The following NPAS3 variants were observed in gnomAD, a reference collection of about 807,000 sequenced individuals.
The protein encoded by NPAS3 is neuronal PAS domain-containing protein 3.
Under a neutral mutation model 73.1 loss-of-function variants are expected in NPAS3, and 14 were observed. That is an observed-to-expected ratio of 0.19 (90% CI 0.13 to 0.30). NPAS3 has a LOEUF of 0.30. Ranked by LOEUF, NPAS3 falls within the 10% of genes least tolerant of loss-of-function variation. The pLI is 1.00. For missense variants in NPAS3, 1,096 were observed against 1,250.0 expected, an observed-to-expected ratio of 0.88 and a Z score of 1.86; for synonymous variants, 620 against 541.5, an observed-to-expected ratio of 1.14 and a Z score of -2.01.
chr14:33,246,530 T>A (rs1468494826), intron 3 of NPAS3, among the ~76,000 whole-genome samples: 3 of 100,386 alleles, frequency 3.0e-5, no homozygotes, highest in Non-Finnish European at 6.1e-5. Flanking sequence ...ACAGCGAGAC[T>A]TCATCTCAAA....
chr14:33,671,058 T>C (rs1266663010), intron 5 of NPAS3, among the ~76,000 whole-genome samples: 2 of 152,158 alleles, frequency 1.3e-5, no homozygotes, highest in Non-Finnish European at 2.9e-5. Context: ...GAAAGAAATA[T>C]CTTGAAAATA....
chr14:33,486,932 C>T (rs2051633301), intron 4 of NPAS3, among the ~76,000 whole-genome samples: 1 of 152,158 alleles, frequency 6.6e-6, no homozygotes, highest in African/African-American at 2.4e-5. Context: ...TATTGGGAGC[C>T]TTCATGCTTG....
intron 6 of NPAS3, among the ~76,000 whole-genome samples, chr14:33,710,574 C>T (rs1237488956): frequency 6.6e-6 from 1 of 152,212 alleles, no homozygotes; most frequent in Non-Finnish European, 1.5e-5. Flanking sequence ...GGCTCAGTCT[C>T]ATCAGGCGTG....
At chr14:33,088,615 C>T (rs2042115019) in intron 2 of NPAS3, among the ~76,000 whole-genome samples, 2 of 152,232 alleles carry the variant, frequency 1.3e-5, no homozygotes, top group South Asian at 2.1e-4. Context: ...CATAGCCAAA[C>T]AAAAGGCAGC....
chr14:33,281,338 AT>A (rs923598012), intron 3 of NPAS3, among the ~76,000 whole-genome samples: 1 of 151,922 alleles, frequency 6.6e-6, no homozygotes, highest in Non-Finnish European at 1.5e-5. Flanking sequence ...TATTTTAAAC[AT>A]TTTTTTTCAG....
chr14:33,453,450 G>A (rs1594937282), intron 4 of NPAS3, among the ~76,000 whole-genome samples: 1 of 152,186 alleles, frequency 6.6e-6, no homozygotes, highest in East Asian at 1.9e-4. Flanking sequence ...TGGGTTTTTT[G>A]TCCTTCCCAA....
intron 7 of NPAS3, among the ~76,000 whole-genome samples, chr14:33,744,479 T>C (rs565770585): frequency 1.3e-5 from 2 of 152,220 alleles, no homozygotes; most frequent in South Asian, 4.2e-4. Context: ...CAGATCACTA[T>C]AACAGGTATA....
intron 1 of NPAS3, among the ~76,000 whole-genome samples, chr14:33,026,531 TC>T (rs1485126031): frequency 6.7e-6 from 1 of 150,362 alleles, no homozygotes; most frequent in East Asian, 1.9e-4. Context: ...TAAGTGATTT[TC>T]CTTTTTTTTT....
intron 1 of NPAS3, among the ~76,000 whole-genome samples, chr14:32,944,759 T>C (rs2036183539): frequency 6.6e-6 from 1 of 152,248 alleles, no homozygotes; most frequent in South Asian, 2.1e-4. Context: ...ACTGCTACTG[T>C]ATCTGAAATG....
At chr14:33,535,249 T>C (rs1358492718) in intron 4 of NPAS3, among the ~76,000 whole-genome samples, 1 of 152,186 alleles carries the variant, frequency 6.6e-6, no homozygotes, top group Admixed American at 6.5e-5. Context: ...AATATCCCTT[T>C]TCACTATCAT....
chr14:33,193,808 G>T (rs1398209869), intron 2 of NPAS3, among the ~76,000 whole-genome samples: 1 of 152,170 alleles, frequency 6.6e-6, no homozygotes, highest in Non-Finnish European at 1.5e-5. Context: ...ATCTGGCTAT[G>T]GAGTGGATGC....
intron 7 of NPAS3, among the ~76,000 whole-genome samples, chr14:33,752,831 A>T (rs892295055): frequency 4.6e-5 from 7 of 151,874 alleles, no homozygotes; most frequent in Non-Finnish European, 7.4e-5. Context: ...TCTTTCTGAT[A>T]TTTTTTTTCA....
chr14:33,547,621 A>G (rs568397607), intron 4 of NPAS3, among the ~76,000 whole-genome samples: 96 of 151,928 alleles, frequency 6.3e-4, no homozygotes, highest in African/African-American at 2.1e-3. Context: ...CAAAATGCAA[A>G]CCAAAAGATG....
At chr14:33,093,958 G>A (rs570304067) in intron 2 of NPAS3, among the ~76,000 whole-genome samples, 4 of 151,976 alleles carry the variant, frequency 2.6e-5, no homozygotes, top group Non-Finnish European at 2.9e-5. Context: ...ATCACACACC[G>A]GGGCCTGTTG....
chr14:33,118,136 CCT>C (rs953670647), intron 2 of NPAS3, among the ~76,000 whole-genome samples: 77 of 151,570 alleles, frequency 5.1e-4, no homozygotes, highest in African/African-American at 1.8e-3. Flanking sequence ...GTCTTTTTTT[CCT>C]CTCTCTCAGT....
intron 5 of NPAS3, among the ~76,000 whole-genome samples, chr14:33,604,923 G>A (rs1189637259): frequency 4.6e-5 from 7 of 152,088 alleles, no homozygotes; most frequent in Middle Eastern, 3.4e-3. Context: ...AATGTAAAAC[G>A]TATCAGAATT....
intron 2 of NPAS3, among the ~76,000 whole-genome samples, chr14:33,072,787 G>A (rs2041530904): frequency 6.6e-6 from 1 of 152,090 alleles, no homozygotes; most frequent in Non-Finnish European, 1.5e-5. Flanking sequence ...TAGGCCTTTG[G>A]TTTCCTTGAA....
intron 2 of NPAS3, among the ~76,000 whole-genome samples, chr14:33,114,962 G>T (rs1351559571): frequency 6.6e-6 from 1 of 152,158 alleles, no homozygotes; most frequent in Admixed American, 6.6e-5. Context: ...AACTTCAGAC[G>T]ATGGGAGAAG....
chr14:33,229,315 G>T (rs565429911), intron 3 of NPAS3, among the ~76,000 whole-genome samples: 11 of 152,258 alleles, frequency 7.2e-5, no homozygotes, highest in Admixed American at 6.5e-4. Flanking sequence ...TGAATGAAGT[G>T]TATTTTTAAG....
Sources: allele counts gnomAD v4.1 joint callset (sites outside exome capture counted in the v4.1 genomes callset), GRCh38; gene constraint gnomAD v4.1.1; transcripts MANE v1.5; gene names NCBI Gene and HGNC (gene_info 2026-07-23, HGNC 2026-07-21).